Variants in MTSS1 observed in about 807,000 individuals in gnomAD.
MTSS1 encodes the protein protein MTSS 1.
Under a neutral mutation model 79.0 loss-of-function variants are expected in MTSS1, and 18 were observed. That is an observed-to-expected ratio of 0.23 (90% CI 0.16 to 0.34). The LOEUF (loss-of-function observed/expected upper bound fraction) is 0.34. MTSS1 is among the 10% of genes least tolerant of loss of function. The pLI, the probability that MTSS1 is intolerant of heterozygous loss-of-function variation, is 1.00. For missense variants in MTSS1, 815 were observed against 986.2 expected, an observed-to-expected ratio of 0.83 and a Z score of 2.33; for synonymous variants, 341 against 368.6, an observed-to-expected ratio of 0.93 and a Z score of 0.86.
At chr8:124,665,795 A>AG (rs1450394501) in intron 3 of MTSS1, among the ~76,000 whole-genome samples, 1 of 148,752 alleles carries the variant, frequency 6.7e-6, no homozygotes. Flanking sequence ...TGAACCCCGG[A>AG]GGCGGAGGTT....
chr8:124,679,947 A>G (rs1310940829), intron 3 of MTSS1, among the ~76,000 whole-genome samples: 1 of 152,240 alleles, frequency 6.6e-6, no homozygotes, highest in Non-Finnish European at 1.5e-5. Flanking sequence ...GGATTTAATT[A>G]AAATTTCCTT....
At chr8:124,706,902 C>T (rs933375200) in intron 1 of MTSS1, among the ~76,000 whole-genome samples, 3 of 152,118 alleles carry the variant, frequency 2.0e-5, no homozygotes, top group Non-Finnish European at 4.4e-5. Flanking sequence ...TGTACACCTA[C>T]ATCCAATTAA....
At position 124,683,724 on chromosome 8, in the gene MTSS1, G is replaced by C. The variant is rs936789143; in HGVS notation, c.208+15802C>G. Among the ~76,000 whole-genome samples, 1 of 152,214 alleles carries C rather than the reference G, an allele frequency of 6.6e-6. No homozygotes were observed. Among genetic ancestry groups the C allele is most frequent in the Non-Finnish European group, 1.5e-5 (1 of 68,036 alleles). On this transcript the variant is annotated intron_variant, in intron 3 of 13. Coordinates refer to ENST00000518547, the MANE Select transcript of MTSS1 (RefSeq NM_014751.6). The surrounding 1 kb of genome is among the most constrained non-coding windows in gnomAD (Gnocchi z 4.5). ...TTACTGACATGGTCAACCAATGGCT[G>C]AGCAGACACACTCAGGACCAAGACC...
chr8:124,607,741 T>A (rs1472990255), intron 3 of MTSS1, among the ~76,000 whole-genome samples: 2 of 152,146 alleles, frequency 1.3e-5, no homozygotes, highest in Non-Finnish European at 2.9e-5. Flanking sequence ...CCAAAAACTA[T>A]TCTCAGTAGG....
intron 6 of MTSS1, among the ~76,000 whole-genome samples, chr8:124,569,231 A>C (rs1458293915): frequency 1.3e-5 from 2 of 152,232 alleles, no homozygotes; most frequent in Non-Finnish European, 2.9e-5. Context: ...CCAGGTCCAC[A>C]GACCCCAGTT....
rs76608635 is a variant in MTSS1 at position 124,675,747 on chromosome 8, T to C, written c.208+23779A>G. Among the ~76,000 whole-genome samples the C allele has an allele frequency of 2.4e-3, 365 of 152,394 alleles. 1 individual carries two copies. The highest frequency in any genetic ancestry group is 8.5e-3 in the African/African-American group (354 of 41,598). On this transcript the variant is annotated intron_variant, in intron 3 of 13. Coordinates refer to ENST00000518547, the MANE Select transcript of MTSS1 (RefSeq NM_014751.6). ...TGAGCATTCCCCATAAGTGGAATTA[T>C]ATGATATGAGACCTCTTGTCTCTTG...
intron 3 of MTSS1, among the ~76,000 whole-genome samples, chr8:124,637,537 G>A (rs1817237460): frequency 6.6e-6 from 1 of 152,214 alleles, no homozygotes; most frequent in Non-Finnish European, 1.5e-5. Flanking sequence ...TTGGGAAGAT[G>A]GGTGCTGAAC....
intron 3 of MTSS1, among the ~76,000 whole-genome samples, chr8:124,688,248 C>T (rs577021278): frequency 4.7e-4 from 70 of 150,126 alleles, no homozygotes; most frequent in African/African-American, 1.3e-3. Context: ...GTATGTTGTG[C>T]GTGTGTGTGT....
intron 3 of MTSS1, among the ~76,000 whole-genome samples, chr8:124,598,955 C>T (rs1460655297): frequency 6.6e-6 from 1 of 152,226 alleles, no homozygotes; most frequent in Non-Finnish European, 1.5e-5. Flanking sequence ...AAAGCCACCT[C>T]CAACCACTCA....
At chr8:124,556,549 G>A (rs1823841564) in intron 11 of MTSS1, 144 bp from the exon 12 acceptor site, 2 of 879,092 alleles carry the variant, frequency 2.3e-6, no homozygotes, top group Admixed American at 2.9e-5. Flanking sequence ...CCCTCTGCAT[G>A]CCCTCTCCAG....
At chr8:124,637,582 C>T (rs966857690) in intron 3 of MTSS1, among the ~76,000 whole-genome samples, 4 of 152,184 alleles carry the variant, frequency 2.6e-5, no homozygotes, top group African/African-American at 4.8e-5. Flanking sequence ...GGTTAGATCA[C>T]TCGCAAAACC....
At position 124,556,220 on chromosome 8, in the gene MTSS1, C is replaced by T. The variant is rs762715694; in HGVS notation, c.1404+12G>A. On this transcript the variant is annotated intron_variant, in intron 12 of 13. Coordinates refer to ENST00000518547, the MANE Select transcript of MTSS1 (RefSeq NM_014751.6). The stretch of plus-strand genomic sequence containing the variant: ...GGTGGCCCCAACCAGCTACTGAGAA[C>T]AAGAGCATCACCCTGGTGGCAGCCG... 4 of 1,614,204 alleles carry T rather than the reference C, an allele frequency of 2.5e-6. No homozygotes were observed. The Admixed American group carries it at 6.7e-5, about 27-fold the overall frequency.
chr8:124,590,681 AT>A (rs1280507916), intron 4 of MTSS1, among the ~76,000 whole-genome samples: 5 of 152,070 alleles, frequency 3.3e-5, no homozygotes, highest in African/African-American at 1.2e-4. Flanking sequence ...AGCTACTACC[AT>A]TTCTTCCCTA....
rs1199125240 is a variant in MTSS1 at position 124,727,888 on chromosome 8, A to G, written c.68T>C (p.Met23Thr). 1 of 1,600,878 alleles carries G rather than the reference A, an allele frequency of 6.2e-7. No homozygotes were observed. The highest frequency in any genetic ancestry group is 1.1e-5 in the South Asian group (1 of 89,362). ...GCCGCACCCCCGGCGTCCTACCTTC[A>G]TGTCGCTGATGATGGTCTGGAAGAG... ...GGLFQTIISDMKGSYPVWEDF... is the reference protein window; with the variant it reads ...GGLFQTIISDTKGSYPVWEDF... Residue 23 changes from methionine to threonine, a missense_variant, in exon 1 of 14, where the codon ATG becomes ACG. This residue lies in a region of MTSS1 where 225 missense variants were observed against 365.4 expected (regional missense o/e 0.62). Coordinates refer to ENST00000518547, the MANE Select transcript of MTSS1 (RefSeq NM_014751.6). This position sits in a 1 kb window ranked among gnomAD's most constrained non-coding sequence, Gnocchi z 4.7.
In MTSS1 at chr8:124,728,010, G is replaced by A. The variant is rs1394890498; in HGVS notation, c.-55C>T. ...CACGCGGGGCCGCTGGACTGCGCGC[G>A]GGGCCGGGGCTCGCTCACCCCAGAA... On this transcript the variant is annotated 5_prime_UTR_variant, in exon 1 of 14. Coordinates refer to ENST00000518547, the MANE Select transcript of MTSS1 (RefSeq NM_014751.6). The surrounding 1 kb of genome is among the most constrained non-coding windows in gnomAD (Gnocchi z 6.1). The A allele has an allele frequency of 5.9e-6, 9 of 1,519,620 alleles. No homozygotes were observed. The highest frequency in any genetic ancestry group is 1.7e-5 in the Admixed American group (1 of 57,202). The allele number at this position is 1,519,620 out of a possible 1,614,324, so 94.1% of individuals were successfully genotyped here. A position where few individuals can be genotyped will look rare whatever the true frequency, so the allele number is the denominator to read the frequency against.
At chr8:124,707,017 T>C (rs1200468350) in intron 1 of MTSS1, among the ~76,000 whole-genome samples, 1 of 151,814 alleles carries the variant, frequency 6.6e-6, no homozygotes, top group Non-Finnish European at 1.5e-5. Flanking sequence ...AACCAACCAA[T>C]AGCAGCTTCG....
intron 3 of MTSS1, among the ~76,000 whole-genome samples, chr8:124,643,845 C>T (rs1818523679): frequency 6.6e-6 from 1 of 151,872 alleles, no homozygotes; most frequent in Non-Finnish European, 1.5e-5. Flanking sequence ...TTAGGTATTT[C>T]CAAATGGCAA....
intron 3 of MTSS1, among the ~76,000 whole-genome samples, chr8:124,620,294 T>C (rs375190187): frequency 6.7e-4 from 102 of 152,326 alleles, no homozygotes; most frequent in Middle Eastern, 6.8e-3. Flanking sequence ...CTGTTCATCA[T>C]CTTCAACAGA....
chr8:124,609,901 G>C (rs1000408355), intron 3 of MTSS1, among the ~76,000 whole-genome samples: 1 of 150,496 alleles, frequency 6.6e-6, no homozygotes, highest in Non-Finnish European at 1.5e-5. Flanking sequence ...CTCCTGGGGT[G>C]GGGGGAAATG....
Sources: gnomAD v4.1 joint callset for allele counts (sites outside exome capture counted in the v4.1 genomes callset) on GRCh38, gnomAD v4.1.1 for gene constraint, gnomAD v4.1.1 regional missense constraint, Gnocchi (gnomAD v3.1) non-coding constraint, MANE v1.5 for transcripts, NCBI Gene and HGNC (gene_info 2026-07-23, HGNC 2026-07-21) for gene names.